SLC4A10: variants seen among roughly 807,000 people sequenced by gnomAD.
SLC4A10 encodes solute carrier family 4 member 10, also known as sodium-driven chloride bicarbonate exchanger.
In SLC4A10, 42 loss-of-function variants were observed where a neutral mutation model predicts 137.7. That is an observed-to-expected ratio of 0.30 (90% CI 0.24 to 0.39). SLC4A10 has a LOEUF of 0.39. Ranked by LOEUF, SLC4A10 falls within the 10% of genes least tolerant of loss-of-function variation. The probability of loss-of-function intolerance (pLI) is 1.00; values close to 1 mark genes in which losing one functional copy is unlikely to be tolerated. For missense variants in SLC4A10, 925 were observed against 1,355.0 expected, an observed-to-expected ratio of 0.68 and a Z score of 4.98; for synonymous variants, 474 against 464.1, an observed-to-expected ratio of 1.02 and a Z score of -0.27.
chr2:161,709,872 G>C (rs1238094687), intron 1 of SLC4A10: 1 of 151,544 alleles, frequency 6.6e-6, no homozygotes, highest in Non-Finnish European at 1.5e-5. Context: ...CTGCCTCAAT[G>C]TTAGAGAACT....
chr2:161,646,679 A>G (rs2036076995), intron 1 of SLC4A10, among the ~76,000 whole-genome samples: 1 of 152,052 alleles, frequency 6.6e-6, no homozygotes, highest in African/African-American at 2.4e-5. Context: ...AAGTAAATAT[A>G]TATTTTGTAA....
chr2:161,659,337 T>G (rs1204179699), intron 1 of SLC4A10, among the ~76,000 whole-genome samples: 1 of 152,212 alleles, frequency 6.6e-6, no homozygotes, highest in African/African-American at 2.4e-5. Context: ...CTAAATAATG[T>G]GTACACATGG....
At chr2:161,734,177 G>T (rs560259307) in intron 1 of SLC4A10, among the ~76,000 whole-genome samples, 101 of 152,258 alleles carry the variant, frequency 6.6e-4, no homozygotes, top group Non-Finnish European at 1.0e-3. Flanking sequence ...GAAATGTGAT[G>T]ACATGAGATT....
At chr2:161,740,476 T>C (rs1410912646) in intron 1 of SLC4A10, among the ~76,000 whole-genome samples, 2 of 152,198 alleles carry the variant, frequency 1.3e-5, no homozygotes, top group African/African-American at 4.8e-5. Flanking sequence ...ATTTCTGGTT[T>C]CAAGATTATT....
intron 15 of SLC4A10, among the ~76,000 whole-genome samples, chr2:161,932,727 T>C (rs987791497): frequency 6.6e-6 from 1 of 152,144 alleles, no homozygotes; most frequent in African/African-American, 2.4e-5. Flanking sequence ...AAGTATAGGA[T>C]CTTTCTACCA....
At chr2:161,661,616 C>T (rs574558511) in intron 1 of SLC4A10, among the ~76,000 whole-genome samples, 4 of 152,324 alleles carry the variant, frequency 2.6e-5, no homozygotes, top group African/African-American at 7.2e-5. Context: ...TGGAATTTTA[C>T]TGTATGAGAT....
chr2:161,752,292 A>G (rs1221425628), intron 1 of SLC4A10, among the ~76,000 whole-genome samples: 1 of 151,960 alleles, frequency 6.6e-6, no homozygotes, highest in African/African-American at 2.4e-5. Flanking sequence ...TATCTAATTA[A>G]TCCTCTCTTG....
intron 1 of SLC4A10, chr2:161,708,681 T>C (rs1039012470): frequency 2.5e-5 from 37 of 1,502,238 alleles, no homozygotes; most frequent in Non-Finnish European, 3.3e-5. Flanking sequence ...TTGTTTGATA[T>C]TTTTTTCACT....
chr2:161,718,547 A>G (rs72875596), intron 1 of SLC4A10, among the ~76,000 whole-genome samples: 11,466 of 152,082 alleles, frequency 0.075, 542 homozygotes, highest in East Asian at 0.14. Flanking sequence ...TGCCTTAATT[A>G]TTTTATTCAC....
rs886130844 is a variant in SLC4A10, at chr2:161,983,218, A to G, written c.*66A>G. ...AAGAGAAGAAAGCTGACTCAGGGAAAGGTGTTGACAGGGAGACTTGTCTAT... is the reference window on the plus strand; with the variant it reads ...AAGAGAAGAAAGCTGACTCAGGGAAGGGTGTTGACAGGGAGACTTGTCTAT... On this transcript the variant is annotated 3_prime_UTR_variant, in exon 27 of 27. Coordinates refer to ENST00000446997, the MANE Select transcript of SLC4A10 (RefSeq NM_001178015.2). 1.6e-5 allele frequency: 24 copies of G among 1,536,792 alleles called. No homozygotes were observed. Among genetic ancestry groups the G allele is most frequent in the South Asian group, 3.6e-5 (3 of 84,054 alleles).
Position 161,911,567 on chromosome 2 carries a change from G to A in SLC4A10, c.1997+5680G>A, listed in dbSNP as rs183037147. 1.9e-3 allele frequency among the ~76,000 whole-genome samples: 285 copies of A among 152,108 alleles called. 1 individual carries two copies. The highest frequency in any genetic ancestry group is 6.5e-3 in the African/African-American group (271 of 41,528). On this transcript the variant is annotated intron_variant, in intron 15 of 26. Transcript: ENST00000446997. ...CTTTTTAAATCACATTTTTTGCGAC[G>A]TATACACTTGACTAGATTTATCCAG...
At chr2:161,712,413 G>C (rs1427978444) in intron 1 of SLC4A10, among the ~76,000 whole-genome samples, 1 of 150,306 alleles carries the variant, frequency 6.7e-6, no homozygotes, top group East Asian at 2.0e-4. Flanking sequence ...TTCTTTAAAG[G>C]CTTAAAAAAA....
At chr2:161,769,825 C>A (rs2051347976) in intron 1 of SLC4A10, among the ~76,000 whole-genome samples, 1 of 151,730 alleles carries the variant, frequency 6.6e-6, no homozygotes. Flanking sequence ...TAATTTCTTT[C>A]TTTTCTGGAT....
intron 1 of SLC4A10, among the ~76,000 whole-genome samples, chr2:161,723,485 T>C (rs2045911133): frequency 6.6e-6 from 1 of 152,226 alleles, no homozygotes; most frequent in African/African-American, 2.4e-5. Context: ...TTCCTTCTGG[T>C]TTCGTTTCCA....
intron 1 of SLC4A10, among the ~76,000 whole-genome samples, chr2:161,723,336 C>A (rs1179760837): frequency 2.0e-5 from 3 of 152,136 alleles, no homozygotes; most frequent in Non-Finnish European, 4.4e-5. Flanking sequence ...TGTCACTCTA[C>A]CCTGCTTTTT....
chr2:161,705,454 T>C (rs2043554662), intron 1 of SLC4A10, among the ~76,000 whole-genome samples: 1 of 151,698 alleles, frequency 6.6e-6, no homozygotes, highest in South Asian at 2.1e-4. Context: ...GCTCATCTTT[T>C]ATTATTTGAG....
chr2:161,736,242 T>TA (rs1181043212), intron 1 of SLC4A10, among the ~76,000 whole-genome samples: 3 of 152,252 alleles, frequency 2.0e-5, no homozygotes, highest in Non-Finnish European at 4.4e-5. Context: ...TGAAACAAGA[T>TA]AAAAAATCTG....
chr2:161,687,464 A>G (rs945612819), intron 1 of SLC4A10, among the ~76,000 whole-genome samples: 2 of 152,214 alleles, frequency 1.3e-5, no homozygotes, highest in African/African-American at 2.4e-5. Flanking sequence ...TAGAACAATC[A>G]CAGCGTAATT....
intron 1 of SLC4A10, among the ~76,000 whole-genome samples, chr2:161,724,601 C>T (rs977963461): frequency 6.6e-6 from 1 of 152,150 alleles, no homozygotes; most frequent in African/African-American, 2.4e-5. Context: ...AGAAAAGCTT[C>T]TCTGAAGTAG....
Sources: gnomAD v4.1 joint callset for allele counts (sites outside exome capture counted in the v4.1 genomes callset) on GRCh38, gnomAD v4.1.1 for gene constraint, MANE v1.5 for transcripts, NCBI Gene and HGNC (gene_info 2026-07-23, HGNC 2026-07-21) for gene names.